CFAP299: variants seen among roughly 807,000 people sequenced by gnomAD.
The protein encoded by CFAP299 is cilia and flagella associated protein 299.
CFAP299 carries 21 observed loss-of-function variants against 27.0 expected under a neutral mutation model. The observed-to-expected ratio is 0.78, with a 90% CI of 0.55 to 1.12. The LOEUF (loss-of-function observed/expected upper bound fraction) is 1.12, where lower values mean the gene tolerates loss of function less well. Ranked by LOEUF, CFAP299 falls within the 50% of genes most tolerant of loss-of-function variation. The probability of loss-of-function intolerance (pLI) is 0.00; values close to 1 mark genes in which losing one functional copy is unlikely to be tolerated. For missense variants in CFAP299, 310 were observed against 276.6 expected, an observed-to-expected ratio of 1.12 and a Z score of -0.86; for synonymous variants, 104 against 98.1, an observed-to-expected ratio of 1.06 and a Z score of -0.36.
chr4:80,799,123 A>G (rs1392871016), intron 3 of CFAP299, among the ~76,000 whole-genome samples: 12 of 123,246 alleles, frequency 9.7e-5, no homozygotes, highest in African/African-American at 3.5e-4. Context: ...AAATATATTT[A>G]TACAATATTT....
At chr4:80,353,051 A>C (rs1241178758) in intron 1 of CFAP299, among the ~76,000 whole-genome samples, 3 of 152,198 alleles carry the variant, frequency 2.0e-5, no homozygotes, top group Admixed American at 6.5e-5. Flanking sequence ...AGACAGAAGG[A>C]ATAACAAAGA....
intron 4 of CFAP299, among the ~76,000 whole-genome samples, chr4:80,895,947 G>C (rs1051701564): frequency 6.6e-6 from 1 of 152,006 alleles, no homozygotes; most frequent in African/African-American, 2.4e-5. Context: ...GGAAAAGCAT[G>C]CTTCCACATC....
At chr4:80,462,366 T>C (rs1729479591) in intron 2 of CFAP299, among the ~76,000 whole-genome samples, 3 of 152,160 alleles carry the variant, frequency 2.0e-5, no homozygotes, top group Admixed American at 1.3e-4. Context: ...AGTAATCTAC[T>C]CCTCTACCCA....
chr4:80,645,542 T>C (rs1404528537), intron 3 of CFAP299, among the ~76,000 whole-genome samples: 1 of 152,062 alleles, frequency 6.6e-6, no homozygotes, highest in African/African-American at 2.4e-5. Context: ...CACACACACA[T>C]GCACATACAC....
At chr4:80,934,785 T>C (rs1400354256) in intron 4 of CFAP299, among the ~76,000 whole-genome samples, 1 of 152,058 alleles carries the variant, frequency 6.6e-6, no homozygotes, top group Admixed American at 6.6e-5. Flanking sequence ...CTTTTTTAAA[T>C]TAGTCTACTT....
At chr4:80,527,053 G>C (rs140574731) in intron 2 of CFAP299, among the ~76,000 whole-genome samples, 1 of 152,192 alleles carries the variant, frequency 6.6e-6, no homozygotes, top group East Asian at 1.9e-4. Context: ...AGCCATTATT[G>C]AGAGGATAAA....
At chr4:80,330,535 T>TG in the CFAP299 span, among the ~76,000 whole-genome samples, 2 of 152,158 alleles carry the variant, frequency 1.3e-5, no homozygotes, top group Non-Finnish European at 2.9e-5. Context: ...TGAGACTCAG[T>TG]CACATGGACA....
At chr4:80,344,950 G>T (rs1722651890) in intron 1 of CFAP299, among the ~76,000 whole-genome samples, 1 of 151,922 alleles carries the variant, frequency 6.6e-6, no homozygotes, top group Non-Finnish European at 1.5e-5. Context: ...ATCCCTTTAT[G>T]TTACTCTCAG....
intron 2 of CFAP299, among the ~76,000 whole-genome samples, chr4:80,481,163 C>A (rs1730547000): frequency 6.6e-6 from 1 of 151,878 alleles, no homozygotes; most frequent in African/African-American, 2.4e-5. Context: ...GATTTTAGGT[C>A]TGAGCAGTAA....
At chr4:80,770,370 G>A (rs1459251475) in intron 3 of CFAP299, among the ~76,000 whole-genome samples, 1 of 152,070 alleles carries the variant, frequency 6.6e-6, no homozygotes, top group East Asian at 1.9e-4. Context: ...TAGGCTCCTG[G>A]CACCTTTAGC....
At chr4:80,829,878 A>G (rs1018185805) in intron 3 of CFAP299, among the ~76,000 whole-genome samples, 1 of 152,068 alleles carries the variant, frequency 6.6e-6, no homozygotes, top group African/African-American at 2.4e-5. Flanking sequence ...CTTAAGTAGT[A>G]AAACTCAGAC....
At position 80,757,276 on chromosome 4, in the gene CFAP299, A is replaced by G. The variant is rs1725290046; in HGVS notation, c.334-112717A>G. ...TTGGAAATAAAATGTAAGATATTTG[A>G]TAACTACTGAAAGTTCAATTGTTTA... On this transcript the variant is annotated intron_variant, in intron 3 of 5. Coordinates refer to ENST00000358105, the MANE Select transcript of CFAP299 (RefSeq NM_152770.3). Among the ~76,000 whole-genome samples, 3 of 152,274 alleles carry G rather than the reference A, an allele frequency of 2.0e-5. No homozygotes were observed. In the South Asian group the frequency reaches 6.2e-4, roughly 32 times the overall value.
chr4:80,686,282 A>G (rs985761623), intron 3 of CFAP299, among the ~76,000 whole-genome samples: 11 of 152,162 alleles, frequency 7.2e-5, no homozygotes, highest in African/African-American at 2.4e-4. Context: ...AAGAGATGCT[A>G]TTATTTCTTG....
intron 3 of CFAP299, among the ~76,000 whole-genome samples, chr4:80,748,311 T>C (rs1216264696): frequency 6.6e-6 from 1 of 152,132 alleles, no homozygotes; most frequent in Non-Finnish European, 1.5e-5. Flanking sequence ...ATTTAAGAGT[T>C]ATCTATTGAG....
chr4:80,598,912 A>G (rs1737190762), intron 3 of CFAP299, among the ~76,000 whole-genome samples: 1 of 152,158 alleles, frequency 6.6e-6, no homozygotes. Flanking sequence ...TAGAAACTTG[A>G]CCACATTCTT....
chr4:80,447,140 T>TTTG (rs1728668672), intron 2 of CFAP299, among the ~76,000 whole-genome samples: 1 of 126,530 alleles, frequency 7.9e-6, no homozygotes, highest in African/African-American at 3.5e-5. Flanking sequence ...GTTTTTTTTT[T>TTTG]TTTTTTTTTT....
intron 3 of CFAP299, among the ~76,000 whole-genome samples, chr4:80,662,617 G>T (rs1384429057): frequency 1.3e-5 from 2 of 152,206 alleles, no homozygotes; most frequent in Admixed American, 6.5e-5. Context: ...AAAAGTTTTA[G>T]CTTGCATGCT....
chr4:80,617,283 A>G (rs912714611), intron 3 of CFAP299, among the ~76,000 whole-genome samples: 9 of 152,146 alleles, frequency 5.9e-5, no homozygotes, highest in Admixed American at 5.9e-4. Context: ...GCTAAGAAAC[A>G]TGTCATATTT....
intron 2 of CFAP299, among the ~76,000 whole-genome samples, chr4:80,525,442 A>G (rs1307832700): frequency 6.6e-6 from 1 of 152,120 alleles, no homozygotes; most frequent in Non-Finnish European, 1.5e-5. Context: ...TCTTACTTCA[A>G]CAATAGAAGA....
Sources: allele counts gnomAD v4.1 joint callset (sites outside exome capture counted in the v4.1 genomes callset), GRCh38; gene constraint gnomAD v4.1.1; transcripts MANE v1.5; gene names NCBI Gene and HGNC (gene_info 2026-07-23, HGNC 2026-07-21).